The following RTCA variants were observed in gnomAD, a reference collection of about 807,000 sequenced individuals.
The protein encoded by RTCA is RNA terminal phosphate cyclase domain 1.
RTCA carries 37 observed loss-of-function variants against 46.1 expected under a neutral mutation model. That is an observed-to-expected ratio of 0.80 (90% CI 0.62 to 1.06). The LOEUF is 1.06. Ranked by LOEUF, RTCA falls within the 50% of genes least tolerant of loss-of-function variation. The pLI is 0.00. For missense variants in RTCA, 435 were observed against 455.5 expected (o/e 0.95, Z 0.41); for synonymous variants, 164 against 158.3 (o/e 1.04, Z -0.27).
intron 8 of RTCA, among the ~76,000 whole-genome samples, chr1:100,284,488 G>A (rs1400296252): frequency 2.0e-5 from 3 of 151,240 alleles, no homozygotes; most frequent in African/African-American, 4.9e-5. Context: ...CCACCTCCCA[G>A]GTTCAAGTGA....
intron 10 of RTCA, 85 bp downstream of exon 10, chr1:100,287,288 A>G: frequency 4.4e-6 from 4 of 903,566 alleles, no homozygotes; most frequent in Non-Finnish European, 6.5e-6. Flanking sequence ...GAAACTTAAT[A>G]GTAATCATAA....
chr1:100,266,271 G>T lies in RTCA; in HGVS notation c.-105G>T, dbSNP rs1665762635. ...TTCTCGTCAGGCTCCTGCGCCCCAG[G>T]CATGAACCAAGGTTTCTGAACTACT... On this transcript the variant is annotated 5_prime_UTR_variant, in exon 1 of 11. Transcript: ENST00000370128. The T allele has an allele frequency of 7.0e-7, 1 of 1,419,654 alleles. No individual in the cohort carries two copies. The highest frequency in any genetic ancestry group is 9.7e-7 in the Non-Finnish European group (1 of 1,034,350). The allele number at this position is 1,419,654 out of a possible 1,614,324, so 87.9% of individuals were successfully genotyped here. A position where few individuals can be genotyped will look rare whatever the true frequency, so the allele number is the denominator to read the frequency against.
At chr1:100,267,413 A>G (rs1665844968) in intron 2 of RTCA, 1 of 1,302,592 alleles carries the variant, frequency 7.7e-7, no homozygotes, top group Admixed American at 2.9e-5. Context: ...ATTAGGCTGT[A>G]GGTGTTGTAT....
intron 7 of RTCA, among the ~76,000 whole-genome samples, chr1:100,276,608 C>A (rs1054475322): frequency 6.6e-6 from 1 of 152,004 alleles, no homozygotes; most frequent in Non-Finnish European, 1.5e-5. Context: ...ACCTGGGAGG[C>A]GGATGTTGCA....
intron 5 of RTCA, among the ~76,000 whole-genome samples, chr1:100,274,040 T>C (rs895949167): frequency 4.6e-5 from 7 of 152,240 alleles, no homozygotes; most frequent in South Asian, 2.1e-4. Flanking sequence ...TTTGGACTTT[T>C]GTGTCTTTGT....
intron 8 of RTCA, among the ~76,000 whole-genome samples, chr1:100,284,806 C>A (rs1239546487): frequency 6.6e-6 from 1 of 152,080 alleles, no homozygotes; most frequent in East Asian, 1.9e-4. Flanking sequence ...CTATGTTGCC[C>A]AGGCCAGCCT....
intron 3 of RTCA, among the ~76,000 whole-genome samples, chr1:100,269,826 TCC>T (rs372137183): frequency 1.8e-4 from 28 of 152,202 alleles, no homozygotes; most frequent in Admixed American, 1.1e-3. Context: ...CCTAGTGCTC[TCC>T]CTCCCCTTGC....
chr1:100,289,104 A>G (rs11166426), intron 10 of RTCA, among the ~76,000 whole-genome samples: 117,120 of 151,688 alleles, frequency 0.77, 47,124 homozygotes, highest in East Asian at 0.95. Flanking sequence ...GATTACAGGC[A>G]TGAGCCACCG....
chr1:100,288,226 T>C (rs910468426), intron 10 of RTCA, among the ~76,000 whole-genome samples: 3 of 152,208 alleles, frequency 2.0e-5, no homozygotes, highest in African/African-American at 7.2e-5. Context: ...CATTTAGGTG[T>C]TTTCCTCTTC....
intron 8 of RTCA, among the ~76,000 whole-genome samples, chr1:100,283,542 G>T (rs1005378926): frequency 1.4e-4 from 22 of 152,106 alleles, no homozygotes; most frequent in Admixed American, 1.4e-3. Flanking sequence ...TACTCAACCT[G>T]TGTTATTATT....
rs1361717637 is a variant in RTCA at position 100,267,257 on chromosome 1, G to C, written c.146+633G>C. 3 of 418,218 alleles carry C rather than the reference G, an allele frequency of 7.2e-6. No homozygotes were observed. The Admixed American group carries it at 1.2e-4, about 16-fold the overall frequency. 25.9% of individuals were successfully genotyped at this position (418,218 alleles called of 1,614,324 possible). A position where few individuals can be genotyped will look rare whatever the true frequency, so the allele number is the denominator to read the frequency against. On this transcript the variant is annotated intron_variant, in intron 2 of 10. Coordinates refer to ENST00000370128, the MANE Select transcript of RTCA (RefSeq NM_003729.4). ...ACACTGATTGCTTTGTATGTATTCTGTATTTATTACATTTTAATAAATCAG... is the reference window on the plus strand; with the variant it reads ...ACACTGATTGCTTTGTATGTATTCTCTATTTATTACATTTTAATAAATCAG...
At chr1:100,290,136 A>C (rs1667269593) in intron 10 of RTCA, among the ~76,000 whole-genome samples, 1 of 152,226 alleles carries the variant, frequency 6.6e-6, no homozygotes, top group Admixed American at 6.5e-5. Flanking sequence ...AAGTGAAAGA[A>C]TTTTTAAACA....
At position 100,266,634 on chromosome 1, in the gene RTCA, G is replaced by T; in HGVS notation, c.146+10G>T. ...GCACGCCAGGCCTGAGGTAAATCTGGCTGGAGGGGGAGTTGGGCCGTGAAG... is the reference window on the plus strand; with the variant it reads ...GCACGCCAGGCCTGAGGTAAATCTGTCTGGAGGGGGAGTTGGGCCGTGAAG... On this transcript the variant is annotated intron_variant, in intron 2 of 10. Coordinates refer to ENST00000370128, the MANE Select transcript of RTCA (RefSeq NM_003729.4). 6.2e-7 allele frequency: 1 copy of T among 1,602,546 alleles called. No homozygotes were observed. Among genetic ancestry groups the T allele is most frequent in the Non-Finnish European group, 8.5e-7 (1 of 1,173,406 alleles).
chr1:100,277,782 C>T (rs568379045), intron 8 of RTCA, among the ~76,000 whole-genome samples: 5 of 150,706 alleles, frequency 3.3e-5, no homozygotes, highest in Non-Finnish European at 5.9e-5. Context: ...TTATTTAGAG[C>T]GATGTGGAAT....
At position 100,275,116 on chromosome 1, in the gene RTCA, A is replaced by C. The variant is rs570337884; in HGVS notation, c.615+151A>C. 11 of 795,664 alleles carry C rather than the reference A, an allele frequency of 1.4e-5. No homozygotes were observed. In the African/African-American group the frequency reaches 1.6e-4, roughly 11 times the overall value. 49.3% of individuals were successfully genotyped at this position (795,664 alleles called of 1,614,324 possible). A position where few individuals can be genotyped will look rare whatever the true frequency, so the allele number is the denominator to read the frequency against. On this transcript the variant is annotated intron_variant, in intron 6 of 10. Transcript: ENST00000370128. ...GGCAATATGGCTGCAGCTGGAGGCCATTATCCTAAGCAAATTAATGTGGGA... is the reference window on the plus strand; with the variant it reads ...GGCAATATGGCTGCAGCTGGAGGCCCTTATCCTAAGCAAATTAATGTGGGA...
intron 3 of RTCA, among the ~76,000 whole-genome samples, chr1:100,268,968 C>A (rs1665933436): frequency 6.6e-6 from 1 of 151,426 alleles, no homozygotes; most frequent in African/African-American, 2.4e-5. Context: ...GTGGGTGGAT[C>A]GCTTGAGCTC....
intron 2 of RTCA, chr1:100,267,516 TC>T: frequency 6.5e-7 from 1 of 1,545,568 alleles, no homozygotes; most frequent in Non-Finnish European, 8.8e-7. Flanking sequence ...AGGCTGGAAG[TC>T]CAAGATCAAG....
chr1:100,277,263 T>G lies in RTCA; in HGVS notation c.746T>G (p.Ile249Ser), dbSNP rs770635792. 6.2e-7 allele frequency: 1 copy of G among 1,613,188 alleles called. No homozygotes were observed. The highest frequency in any genetic ancestry group is 8.5e-7 in the Non-Finnish European group (1 of 1,179,660). The change falls in exon 8 of 11, where the codon ATT (isoleucine) becomes AGT (serine). Residue 249 changes from isoleucine (I) to serine (S), a missense_variant. Transcript: ENST00000370128. ...AFGNGNGIIIIAETSTGCLFA... is the reference protein window; with the variant it reads ...AFGNGNGIIISAETSTGCLFA... ...TAACTTTTTTTCTTGCATAGAATTA[T>G]TGCTGAGACCTCCACTGGCTGTTTG... is the stretch of plus-strand genomic sequence containing the variant.
chr1:100,291,551 C>G lies in RTCA; in HGVS notation c.*47C>G. The G allele has an allele frequency of 9.2e-7, 1 of 1,090,322 alleles. No homozygotes were observed. The highest frequency in any genetic ancestry group is 1.6e-5 in the African/African-American group (1 of 62,890). 67.5% of individuals were successfully genotyped at this position (1,090,322 alleles called of 1,614,324 possible). ...ACCTCATTGATATATTGCACTATTTCATAAATACTATAAAATAATGACTAG... is the reference window on the plus strand; with the variant it reads ...ACCTCATTGATATATTGCACTATTTGATAAATACTATAAAATAATGACTAG... On this transcript the variant is annotated 3_prime_UTR_variant, in exon 11 of 11. Transcript: ENST00000370128.
Sources: allele counts gnomAD v4.1 joint callset (sites outside exome capture counted in the v4.1 genomes callset), GRCh38; gene constraint gnomAD v4.1.1; transcripts MANE v1.5; gene names NCBI Gene and HGNC (gene_info 2026-07-23, HGNC 2026-07-21).